PTPRJ: variants seen among roughly 807,000 people sequenced by gnomAD.
PTPRJ encodes receptor-type tyrosine-protein phosphatase eta.
PTPRJ carries 129 observed loss-of-function variants against 141.3 expected under a neutral mutation model. The observed-to-expected ratio is 0.91, with a 90% CI of 0.79 to 1.06. The LOEUF (loss-of-function observed/expected upper bound fraction) is 1.06. Among genes scored for constraint, PTPRJ ranks in the 50% least tolerant of loss-of-function variants. PTPRJ has a pLI of 0.00. For synonymous variants in PTPRJ, 610 were observed against 640.5 expected, an observed-to-expected ratio of 0.95 and a Z score of 0.72; for missense variants, 1,601 against 1,679.7, an observed-to-expected ratio of 0.95 and a Z score of 0.82.
chr11:48,059,414 C>T (rs538638432), intron 1 of PTPRJ, among the ~76,000 whole-genome samples: 6 of 152,152 alleles, frequency 3.9e-5, no homozygotes, highest in African/African-American at 9.7e-5. Flanking sequence ...TGAGCCACTG[C>T]GCCTGGCTGC....
Position 48,143,135 on chromosome 11 carries a change from A to G in PTPRJ, c.2575+85A>G. On this transcript the variant is annotated intron_variant, in intron 12 of 24. Coordinates refer to ENST00000418331, the MANE Select transcript of PTPRJ (RefSeq NM_002843.4). Reference sequence around the variant, plus strand: ...TCTGTGCCCACTGAGGCATGTGAGTAATGCAGACACACGCCTGTCTTCTCA... The same window carrying G: ...TCTGTGCCCACTGAGGCATGTGAGTGATGCAGACACACGCCTGTCTTCTCA... The G allele has an allele frequency of 1.3e-6, 2 of 1,516,402 alleles. 1 individual carries two copies. The highest frequency in any genetic ancestry group is 2.4e-5 in the South Asian group (2 of 83,080). The allele number at this position is 1,516,402 out of a possible 1,614,324, so 93.9% of individuals were successfully genotyped here.
chr11:48,053,429 A>T (rs1268845148), intron 1 of PTPRJ, among the ~76,000 whole-genome samples: 1 of 112,946 alleles, frequency 8.9e-6, no homozygotes, highest in Non-Finnish European at 1.7e-5. Context: ...TATATGTATA[A>T]AATATATATT....
intron 1 of PTPRJ, among the ~76,000 whole-genome samples, chr11:48,071,441 C>T (rs556814031): frequency 1.1e-4 from 17 of 151,150 alleles, no homozygotes; most frequent in Admixed American, 6.6e-4. Context: ...GTCAGCCTCC[C>T]GAGTAGCTGG....
chr11:48,102,536 G>A (rs1352945699), intron 1 of PTPRJ, among the ~76,000 whole-genome samples: 1 of 151,948 alleles, frequency 6.6e-6, no homozygotes, highest in African/African-American at 2.4e-5. Context: ...AGCCTCCCGA[G>A]TAGCTAGGAT....
intron 1 of PTPRJ, among the ~76,000 whole-genome samples, chr11:48,082,340 C>A (rs979684716): frequency 5.3e-5 from 8 of 151,788 alleles, no homozygotes; most frequent in Non-Finnish European, 1.2e-4. Context: ...AACACCTGGC[C>A]TCAAGTGATC....
intron 1 of PTPRJ, among the ~76,000 whole-genome samples, chr11:48,090,259 A>C (rs896364309): frequency 6.6e-6 from 1 of 152,144 alleles, no homozygotes; most frequent in Non-Finnish European, 1.5e-5. Context: ...GGCGCCCTGC[A>C]TCCTTCCCTT....
chr11:48,136,588 T>C (rs1857107484), intron 9 of PTPRJ, among the ~76,000 whole-genome samples: 1 of 152,024 alleles, frequency 6.6e-6, no homozygotes, highest in South Asian at 2.1e-4. Flanking sequence ...CACCTTGTCA[T>C]GTTGGTATTG....
At chr11:48,008,295 C>T (rs1854678362) in intron 1 of PTPRJ, among the ~76,000 whole-genome samples, 2 of 152,224 alleles carry the variant, frequency 1.3e-5, no homozygotes, top group South Asian at 4.1e-4. Context: ...GAGTCTCGCT[C>T]TGTGGCCCAG....
At chr11:48,099,855 G>A (rs999936114) in intron 1 of PTPRJ, among the ~76,000 whole-genome samples, 5 of 152,104 alleles carry the variant, frequency 3.3e-5, no homozygotes, top group African/African-American at 9.7e-5. Context: ...GCAGAACAGC[G>A]GCAGTTTCCT....
chr11:48,065,766 C>G (rs1855066902), intron 1 of PTPRJ, among the ~76,000 whole-genome samples: 1 of 152,156 alleles, frequency 6.6e-6, no homozygotes, highest in African/African-American at 2.4e-5. Flanking sequence ...GTTATTGTCA[C>G]CCCTGTTACA....
At chr11:48,163,361 C>A in intron 22 of PTPRJ, 97 bp from the exon 23 acceptor site, 3 of 1,193,000 alleles carry the variant, frequency 2.5e-6, no homozygotes, top group Non-Finnish European at 3.6e-6. Flanking sequence ...CATTACAACT[C>A]CTGGTTAGTA....
intron 1 of PTPRJ, among the ~76,000 whole-genome samples, chr11:48,051,759 A>T (rs1490373035): frequency 1.3e-5 from 2 of 152,206 alleles, no homozygotes; most frequent in African/African-American, 4.8e-5. Context: ...CTCATCTGAA[A>T]ATCAGAAAAT....
rs1022899983 is a variant in PTPRJ, at chr11:47,980,825, G to C, written c.-88G>C. 9.5e-7 allele frequency: 1 copy of C among 1,053,814 alleles called. No individual in the cohort carries two copies. Among genetic ancestry groups the C allele is most frequent in the African/African-American group, 1.7e-5 (1 of 58,636 alleles). The allele number at this position is 1,053,814 out of a possible 1,614,324, so 65.3% of individuals were successfully genotyped here. ...GGCGGAGGAGGAGGCGAAGGAGACG[G>C]CAGGAGGCGGCGACGACGGTGCCCG... On this transcript the variant is annotated 5_prime_UTR_variant, in exon 1 of 25. Transcript: ENST00000418331.
intron 1 of PTPRJ, among the ~76,000 whole-genome samples, chr11:48,076,444 A>T (rs1019622045): frequency 2.0e-5 from 3 of 152,122 alleles, no homozygotes; most frequent in Non-Finnish European, 4.4e-5. Flanking sequence ...GTTGGTCTGG[A>T]GTTACTCTGG....
At chr11:48,088,532 G>T (rs181748920) in intron 1 of PTPRJ, among the ~76,000 whole-genome samples, 1 of 152,154 alleles carries the variant, frequency 6.6e-6, no homozygotes, top group Non-Finnish European at 1.5e-5. Context: ...CTCCTGGCTT[G>T]CTGCCACAGG....
chr11:48,160,301 C>T (rs1857734909), intron 22 of PTPRJ, among the ~76,000 whole-genome samples: 1 of 152,202 alleles, frequency 6.6e-6, no homozygotes, highest in Admixed American at 6.5e-5. Context: ...GAGCATGGCT[C>T]TACATCAGGA....
chr11:48,043,331 A>G (rs1365166517), intron 1 of PTPRJ, among the ~76,000 whole-genome samples: 1 of 152,170 alleles, frequency 6.6e-6, no homozygotes, highest in Non-Finnish European at 1.5e-5. Flanking sequence ...CTCCCATTTC[A>G]GCTTCCTGAG....
rs1378915753 is a variant in PTPRJ at position 48,115,724 on chromosome 11, A to G, written c.352+2741A>G. On this transcript the variant is annotated intron_variant, in intron 3 of 24. Coordinates refer to ENST00000418331, the MANE Select transcript of PTPRJ (RefSeq NM_002843.4). ...ATAATACTTAAAAAATAATAACTAC[A>G]ATAACTTGCAGGGGGGATATGCAAT... Among the ~76,000 whole-genome samples the G allele has an allele frequency of 2.0e-5, 3 of 152,224 alleles. No homozygotes were observed. In the East Asian group the frequency reaches 5.8e-4, roughly 29 times the overall value.
At chr11:48,152,596 CT>C (rs1857511670) in intron 18 of PTPRJ, among the ~76,000 whole-genome samples, 1 of 152,212 alleles carries the variant, frequency 6.6e-6, no homozygotes, top group Non-Finnish European at 1.5e-5. Flanking sequence ...ACATTTAAGT[CT>C]TTAATCCATC....
Sources: gnomAD v4.1 joint callset for allele counts (sites outside exome capture counted in the v4.1 genomes callset) on GRCh38, gnomAD v4.1.1 for gene constraint, MANE v1.5 for transcripts, NCBI Gene and HGNC (gene_info 2026-07-23, HGNC 2026-07-21) for gene names.